The following RAB28 variants were observed in gnomAD, a reference collection of about 807,000 sequenced individuals.
The protein encoded by RAB28 is ras-related protein Rab-28.
RAB28 carries 24 observed loss-of-function variants against 31.7 expected under a neutral mutation model. The ratio of observed to expected loss-of-function variants is 0.76; its 90% CI spans 0.55 to 1.06. The LOEUF is 1.06. RAB28 is among the 50% of genes least tolerant of loss of function. The probability of loss-of-function intolerance (pLI) is 0.00; values close to 1 mark genes in which losing one functional copy is unlikely to be tolerated. For missense variants in RAB28, 254 were observed against 258.5 expected (o/e 0.98, Z 0.12); for synonymous variants, 100 against 90.4 (o/e 1.11, Z -0.60).
chr4:13,399,401 G>A (rs191719225), intron 4 of RAB28, among the ~76,000 whole-genome samples: 1 of 152,302 alleles, frequency 6.6e-6, no homozygotes, highest in East Asian at 1.9e-4. Context: ...ACAAAGCCAT[G>A]AATATTCTTA....
chr4:13,484,029 C>G lies in RAB28; in HGVS notation c.75+47G>C, dbSNP rs758189250. 1.2e-5 allele frequency: 18 copies of G among 1,533,228 alleles called. No homozygotes were observed. The African/African-American group carries it at 2.5e-4, about 21-fold the overall frequency. 95.0% of individuals were successfully genotyped at this position (1,533,228 alleles called of 1,614,324 possible). ...GCGGCGGGGAGGAGGCCGGGGACCG[C>G]CGGGGTTCCTGCAGGCCTGGGACGG... is the stretch of plus-strand genomic sequence containing the variant. On this transcript the variant is annotated intron_variant, in intron 1 of 6. Transcript: ENST00000330852.
intron 4 of RAB28, among the ~76,000 whole-genome samples, chr4:13,452,724 AAAG>A (rs1461329799): frequency 4.6e-5 from 7 of 152,000 alleles, no homozygotes; most frequent in South Asian, 2.1e-4. Flanking sequence ...GTGCTGATGG[AAAG>A]AAGGTTTATT....
chr4:13,434,714 G>T (rs1465284829), intron 4 of RAB28, among the ~76,000 whole-genome samples: 1 of 151,962 alleles, frequency 6.6e-6, no homozygotes, highest in African/African-American at 2.4e-5. Context: ...GACTACAATG[G>T]AATAAAATTA....
intron 4 of RAB28, among the ~76,000 whole-genome samples, chr4:13,429,427 G>C (rs1713685094): frequency 6.6e-6 from 1 of 152,144 alleles, no homozygotes; most frequent in Non-Finnish European, 1.5e-5. Flanking sequence ...AACTAGTTCA[G>C]CAAGGTTGTA....
intron 4 of RAB28, among the ~76,000 whole-genome samples, chr4:13,447,157 G>C (rs577722573): frequency 2.0e-5 from 3 of 152,080 alleles, no homozygotes; most frequent in African/African-American, 7.2e-5. Flanking sequence ...AGATTACATC[G>C]AAAGCCTCCT....
chr4:13,416,992 C>G (rs1424680987), intron 4 of RAB28, among the ~76,000 whole-genome samples: 2 of 152,220 alleles, frequency 1.3e-5, no homozygotes, highest in Non-Finnish European at 2.9e-5. Flanking sequence ...GCCAAGGAAG[C>G]CATGACAGAC....
chr4:13,430,566 G>C (rs890143052), intron 4 of RAB28, among the ~76,000 whole-genome samples: 1 of 152,192 alleles, frequency 6.6e-6, no homozygotes, highest in Non-Finnish European at 1.5e-5. Context: ...TGGAGAACCA[G>C]GTGACCAGCT....
chr4:13,376,565 C>T lies in RAB28; in HGVS notation c.553G>A (p.Ala185Thr). The change falls in exon 6 of 7, where the codon GCA (alanine) becomes ACA (threonine). Residue 185 changes from alanine (A) to threonine (T), a missense_variant. Transcript: ENST00000330852. ...ATCACCTGTGACTGTTCTATTTCTG[C>T]TTTGTTTAATTTGATCCCAAGGATT... ...AEILGIKLNK[A>T]EIEQSQRVVK... 1 of 1,602,706 alleles carries T rather than the reference C, an allele frequency of 6.2e-7. No individual in the cohort carries two copies. The highest frequency in any genetic ancestry group is 8.5e-7 in the Non-Finnish European group (1 of 1,175,852).
intron 6 of RAB28, among the ~76,000 whole-genome samples, chr4:13,375,515 A>T (rs1275209517): frequency 6.6e-6 from 1 of 152,122 alleles, no homozygotes; most frequent in African/African-American, 2.4e-5. Flanking sequence ...GTGATCAAGC[A>T]AATCATGGTG....
intron 4 of RAB28, among the ~76,000 whole-genome samples, chr4:13,435,362 AG>A (rs1714041972): frequency 6.6e-6 from 1 of 152,102 alleles, no homozygotes; most frequent in South Asian, 2.1e-4. Flanking sequence ...GCAGAAGAAA[AG>A]AAATAACTAA....
intron 2 of RAB28, among the ~76,000 whole-genome samples, chr4:13,477,981 T>A (rs1167199570): frequency 6.6e-6 from 1 of 151,508 alleles, no homozygotes; most frequent in East Asian, 1.9e-4. Context: ...AATAATAAAG[T>A]AATGAGACAA....
intron 4 of RAB28, among the ~76,000 whole-genome samples, chr4:13,392,124 T>C (rs1285766363): frequency 2.0e-5 from 3 of 152,182 alleles, no homozygotes; most frequent in Non-Finnish European, 4.4e-5. Context: ...GTTGTCACTT[T>C]TATCCTCCAT....
intron 6 of RAB28, chr4:13,371,136 T>C (rs1407151664): frequency 5.1e-6 from 5 of 985,212 alleles, no homozygotes; most frequent in African/African-American, 1.7e-5. Flanking sequence ...AGTAAATGAA[T>C]AGGATGCTGA....
intron 4 of RAB28, among the ~76,000 whole-genome samples, chr4:13,451,118 G>T (rs1397881690): frequency 1.3e-5 from 2 of 151,864 alleles, no homozygotes; most frequent in African/African-American, 4.8e-5. Context: ...AGCTACTGTT[G>T]TAGTTTATAT....
chr4:13,428,526 A>T (rs1056654580), intron 4 of RAB28, among the ~76,000 whole-genome samples: 1 of 152,266 alleles, frequency 6.6e-6, no homozygotes, highest in South Asian at 2.1e-4. Context: ...AGCACTTTTT[A>T]AATGAAAGTT....
At chr4:13,378,530 T>C (rs1729007949) in intron 5 of RAB28, among the ~76,000 whole-genome samples, 1 of 151,994 alleles carries the variant, frequency 6.6e-6, no homozygotes, top group Non-Finnish European at 1.5e-5. Flanking sequence ...AGAGAAAAAA[T>C]GTGGCATCAA....
chr4:13,422,253 T>C (rs1713199619), intron 4 of RAB28, among the ~76,000 whole-genome samples: 1 of 152,126 alleles, frequency 6.6e-6, no homozygotes, highest in South Asian at 2.1e-4. Flanking sequence ...AAACAACAGA[T>C]GCTGGAGAGG....
intron 4 of RAB28, among the ~76,000 whole-genome samples, chr4:13,408,582 G>C (rs943186307): frequency 3.3e-5 from 5 of 151,914 alleles, no homozygotes; most frequent in African/African-American, 1.2e-4. Flanking sequence ...TAGCAAAACA[G>C]AGCTTTTTAA....
chr4:13,389,271 G>C (rs1729520636), intron 4 of RAB28, among the ~76,000 whole-genome samples: 1 of 152,106 alleles, frequency 6.6e-6, no homozygotes, highest in Non-Finnish European at 1.5e-5. Flanking sequence ...TTCAGAGACA[G>C]AAAGTAGAAT....
Sources: allele counts gnomAD v4.1 joint callset (sites outside exome capture counted in the v4.1 genomes callset), GRCh38; gene constraint gnomAD v4.1.1; transcripts MANE v1.5; gene names NCBI Gene and HGNC (gene_info 2026-07-23, HGNC 2026-07-21).